The following EDNRA variants were observed in gnomAD, a reference collection of about 807,000 sequenced individuals.
The protein encoded by EDNRA is endothelin-1 receptor.
In EDNRA, 11 loss-of-function variants were observed where a neutral mutation model predicts 41.4. That is an observed-to-expected ratio of 0.27 (90% CI 0.17 to 0.44). The LOEUF is 0.44. Among genes scored for constraint, EDNRA ranks in the 20% least tolerant of loss-of-function variants. The pLI, the probability that EDNRA is intolerant of heterozygous loss-of-function variation, is 1.00. For synonymous variants in EDNRA, 172 were observed against 183.0 expected (o/e 0.94, Z 0.49); for missense variants, 294 against 531.0 (o/e 0.55, Z 4.39).
At chr4:147,526,581 G>A (rs1353662400) in intron 3 of EDNRA, among the ~76,000 whole-genome samples, 1 of 152,150 alleles carries the variant, frequency 6.6e-6, no homozygotes, top group African/African-American at 2.4e-5. Flanking sequence ...GTAGTCACAG[G>A]CCAGCTCAAT....
intron 2 of EDNRA, chr4:147,506,702 C>A: frequency 3.0e-6 from 1 of 335,494 alleles, no homozygotes; most frequent in Admixed American, 3.6e-5. Flanking sequence ...AAGAGATCCA[C>A]AAAAACACGT....
intron 2 of EDNRA, among the ~76,000 whole-genome samples, chr4:147,510,225 G>T (rs1729872343): frequency 6.6e-6 from 1 of 152,152 alleles, no homozygotes; most frequent in African/African-American, 2.4e-5. Context: ...CTAATCTCAA[G>T]AAAATGGCAA....
At chr4:147,517,897 C>A (rs997771517) in intron 2 of EDNRA, among the ~76,000 whole-genome samples, 1 of 152,054 alleles carries the variant, frequency 6.6e-6, no homozygotes, top group Non-Finnish European at 1.5e-5. Flanking sequence ...TTTTCTGGAT[C>A]ATTTTCTTAG....
chr4:147,483,832 A>G (rs999997307), intron 1 of EDNRA, among the ~76,000 whole-genome samples: 5 of 151,058 alleles, frequency 3.3e-5, no homozygotes, highest in African/African-American at 9.8e-5. Context: ...TGATTCTCCC[A>G]TCTCAGCCTC....
chr4:147,491,326 C>G (rs1474461086), intron 2 of EDNRA: 1 of 152,188 alleles, frequency 6.6e-6, no homozygotes, highest in Non-Finnish European at 1.5e-5. Flanking sequence ...CCTTTGACAT[C>G]TTGTGCAACT....
Position 147,542,707 on chromosome 4 carries a change from G to C in EDNRA, c.*89G>C. On this transcript the variant is annotated 3_prime_UTR_variant, in exon 8 of 8. Transcript: ENST00000651419. ...CTGTGAGTCCGGGAATCTCTTCTCT[G>C]ATCCTTCTTCCTTAATTCACTCCCA... is the stretch of plus-strand genomic sequence containing the variant. 1 of 1,513,092 alleles carries C rather than the reference G, an allele frequency of 6.6e-7. No individual in the cohort carries two copies. The highest frequency in any genetic ancestry group is 8.9e-7 in the Non-Finnish European group (1 of 1,122,620). 93.7% of individuals were successfully genotyped at this position (1,513,092 alleles called of 1,614,324 possible). A position where few individuals can be genotyped will look rare whatever the true frequency, so the allele number is the denominator to read the frequency against.
At chr4:147,542,078 A>C (rs900618712) in intron 7 of EDNRA, among the ~76,000 whole-genome samples, 1 of 152,118 alleles carries the variant, frequency 6.6e-6, no homozygotes, top group Non-Finnish European at 1.5e-5. Context: ...ATGGGAGAAC[A>C]TCCAAGGCTG....
At chr4:147,542,159 C>T (rs994519085) in intron 7 of EDNRA, among the ~76,000 whole-genome samples, 1 of 152,090 alleles carries the variant, frequency 6.6e-6, no homozygotes, top group Admixed American at 6.5e-5. Context: ...AACGCTAGGA[C>T]CCCCCCACCA....
At chr4:147,532,762 C>T (rs987720015) in intron 4 of EDNRA, 58 bp downstream of exon 4, 10 of 1,556,572 alleles carry the variant, frequency 6.4e-6, no homozygotes, top group Non-Finnish European at 8.8e-6. Context: ...CGTTAGACTT[C>T]ACCATCTTGA....
intron 2 of EDNRA, among the ~76,000 whole-genome samples, chr4:147,511,144 C>T (rs1269710748): frequency 2.0e-5 from 3 of 152,134 alleles, no homozygotes; most frequent in Non-Finnish European, 2.9e-5. Flanking sequence ...TTAATACTCT[C>T]GACACCACAA....
Position 147,519,803 on chromosome 4 carries a change from C to T in EDNRA, c.421-48C>T. 6.3e-7 allele frequency: 1 copy of T among 1,596,108 alleles called. No homozygotes were observed. The highest frequency in any genetic ancestry group is 8.5e-7 in the Non-Finnish European group (1 of 1,170,500). ...AACTAAAACTGTAAGTGCCCACATG[C>T]TCCGTGCCAGCTCTACCATTTCTTA... On this transcript the variant is annotated intron_variant, in intron 2 of 7. Coordinates refer to ENST00000651419, the MANE Select transcript of EDNRA (RefSeq NM_001957.4). This position sits in a 1 kb window ranked among gnomAD's most constrained non-coding sequence, Gnocchi z 4.1.
intron 3 of EDNRA, among the ~76,000 whole-genome samples, chr4:147,527,250 A>G (rs1158635478): frequency 6.6e-6 from 1 of 152,214 alleles, no homozygotes; most frequent in Non-Finnish European, 1.5e-5. Context: ...CAGAAAAATC[A>G]TTCAGAAAGA....
chr4:147,505,214 AAAG>A (rs1216097244), intron 2 of EDNRA, among the ~76,000 whole-genome samples: 10 of 121,960 alleles, frequency 8.2e-5, no homozygotes, highest in African/African-American at 3.1e-4. Context: ...AAAAAAAAAA[AAAG>A]AGAGAGAGAG....
chr4:147,506,323 C>T, intron 2 of EDNRA: 1 of 437,064 alleles, frequency 2.3e-6, no homozygotes, highest in East Asian at 5.8e-5. Context: ...ACTGAGAGCT[C>T]ATCAGATAAG....
At chr4:147,525,596 A>C (rs1236668587) in intron 3 of EDNRA, among the ~76,000 whole-genome samples, 4 of 55,462 alleles carry the variant, frequency 7.2e-5, no homozygotes, top group African/African-American at 5.2e-4. Context: ...GTTTGGAGGC[A>C]AAAAAAAAAA....
At chr4:147,522,870 T>G (rs1383548204) in intron 3 of EDNRA, among the ~76,000 whole-genome samples, 1 of 152,114 alleles carries the variant, frequency 6.6e-6, no homozygotes, top group Non-Finnish European at 1.5e-5. Context: ...CAGTTTAATT[T>G]TATACATTTT....
intron 2 of EDNRA, among the ~76,000 whole-genome samples, chr4:147,487,812 ATG>A (rs1728998882): frequency 6.6e-6 from 1 of 152,356 alleles, no homozygotes; most frequent in East Asian, 1.9e-4. Flanking sequence ...GCATAAATAC[ATG>A]TGTTTTCTAT....
At chr4:147,528,308 C>T (rs894292020) in intron 3 of EDNRA, among the ~76,000 whole-genome samples, 4 of 151,662 alleles carry the variant, frequency 2.6e-5, no homozygotes, top group Non-Finnish European at 4.4e-5. Context: ...AAAATGTCAG[C>T]CTTTATGAAG....
chr4:147,494,704 C>T (rs763570015), intron 2 of EDNRA: 1 of 152,200 alleles, frequency 6.6e-6, no homozygotes, highest in Non-Finnish European at 1.5e-5. Flanking sequence ...AAGGGAGACA[C>T]TATTATGTCA....
Sources: allele counts gnomAD v4.1 joint callset (sites outside exome capture counted in the v4.1 genomes callset), GRCh38; gene constraint gnomAD v4.1.1; non-coding constraint Gnocchi (gnomAD v3.1); transcripts MANE v1.5; gene names NCBI Gene and HGNC (gene_info 2026-07-23, HGNC 2026-07-21).